The following EAF1 variants were observed in gnomAD, a reference collection of about 807,000 sequenced individuals.
EAF1 encodes ELL-associated factor 1.
Under a neutral mutation model 26.6 loss-of-function variants are expected in EAF1, and 19 were observed. That is an observed-to-expected ratio of 0.71 (90% CI 0.50 to 1.05). The LOEUF is 1.05. EAF1 is among the 50% of genes least tolerant of loss of function. The pLI, the probability that EAF1 is intolerant of heterozygous loss-of-function variation, is 0.00. For missense variants in EAF1, 260 were observed against 335.5 expected (o/e 0.78, Z 1.76); for synonymous variants, 102 against 120.6 (o/e 0.85, Z 1.01).
intron 5 of EAF1, among the ~76,000 whole-genome samples, chr3:15,437,526 A>G (rs1559506287): frequency 6.6e-6 from 1 of 151,936 alleles, no homozygotes; most frequent in African/African-American, 2.4e-5. Flanking sequence ...CCTGGGTACA[A>G]GTAATTTCCC....
At chr3:15,429,772 C>T (rs950651972) in intron 1 of EAF1, 141 bp from the exon 2 acceptor site, 6 of 641,758 alleles carry the variant, frequency 9.3e-6, no homozygotes, top group African/African-American at 3.7e-5. Context: ...TTTTCCATAA[C>T]GAAACAGTTT....
chr3:15,435,516 A>T (rs1205621892), intron 4 of EAF1, among the ~76,000 whole-genome samples: 2 of 151,780 alleles, frequency 1.3e-5, no homozygotes, highest in African/African-American at 4.8e-5. Context: ...CTGTTATGGA[A>T]GTTTTCACTT....
At chr3:15,433,471 A>G (rs2061814519) in intron 3 of EAF1, among the ~76,000 whole-genome samples, 1 of 152,242 alleles carries the variant, frequency 6.6e-6, no homozygotes, top group Non-Finnish European at 1.5e-5. Flanking sequence ...GATGATATGC[A>G]GAATCTCAAC....
In EAF1 at chr3:15,432,167, CA is replaced by C; in HGVS notation, c.280del (p.Thr94LeufsTer15). The C allele has an allele frequency of 6.2e-7, 1 of 1,614,132 alleles. No homozygotes were observed. Among genetic ancestry groups the C allele is most frequent in the Non-Finnish European group, 8.5e-7 (1 of 1,180,012 alleles). ...KDCVLIINHD[T>X]GEYVLEKLSS... ...ACTGTGTGCTTATTATTAATCATGA[CA>C]CTGGTGAATATGTGCTGGAAAAACT... On this transcript the variant is annotated frameshift_variant, in exon 3 of 6. Transcript: ENST00000396842. LOFTEE classifies it high-confidence loss of function.
Position 15,439,863 on chromosome 3 carries a change from G to C in EAF1, c.*708G>C, listed in dbSNP as rs2061855903. On this transcript the variant is annotated 3_prime_UTR_variant, in exon 6 of 6. Coordinates refer to ENST00000396842, the MANE Select transcript of EAF1 (RefSeq NM_033083.7). ...TCTCTCCCTTGAATCTCATTTGTAGGAATCAAGAGATTCCTATACATGGGA... is the reference window on the plus strand; with the variant it reads ...TCTCTCCCTTGAATCTCATTTGTAGCAATCAAGAGATTCCTATACATGGGA... The C allele has an allele frequency of 6.6e-6, 1 of 152,190 alleles. No individual in the cohort carries two copies. The highest frequency in any genetic ancestry group is 2.4e-5 in the African/African-American group (1 of 41,442). 9.4% of individuals were successfully genotyped at this position (152,190 alleles called of 1,614,324 possible).
At position 15,427,631 on chromosome 3, in the gene EAF1, T is replaced by C. The variant is rs767213809; in HGVS notation, c.-149T>C. The stretch of plus-strand genomic sequence containing the variant: ...CCCCCACGCAGAGGAGAGAACTTGC[T>C]TCTGGACCCGGGTGGGTGCCGGCTC... On this transcript the variant is annotated 5_prime_UTR_variant, in exon 1 of 6. Coordinates refer to ENST00000396842, the MANE Select transcript of EAF1 (RefSeq NM_033083.7). The C allele has an allele frequency of 1.3e-6, 1 of 763,196 alleles. No homozygotes were observed. The highest frequency in any genetic ancestry group is 2.2e-6 in the Non-Finnish European group (1 of 460,410). The allele number at this position is 763,196 out of a possible 1,614,324, so 47.3% of individuals were successfully genotyped here. A position where few individuals can be genotyped will look rare whatever the true frequency, so the allele number is the denominator to read the frequency against.
At chr3:15,434,839 C>T (rs2061825302) in intron 4 of EAF1, among the ~76,000 whole-genome samples, 1 of 152,188 alleles carries the variant, frequency 6.6e-6, no homozygotes, top group Non-Finnish European at 1.5e-5. Flanking sequence ...TGGCACACCT[C>T]TAAGGCTTCG....
At chr3:15,437,726 C>T (rs941908859) in intron 5 of EAF1, among the ~76,000 whole-genome samples, 1 of 152,120 alleles carries the variant, frequency 6.6e-6, no homozygotes, top group East Asian at 1.9e-4. Context: ...TCTTGGTACA[C>T]CTTCCTTTAA....
chr3:15,436,791 C>A, intron 5 of EAF1: 1 of 437,110 alleles, frequency 2.3e-6, no homozygotes, highest in Non-Finnish European at 4.0e-6. Context: ...CTGGCTCATA[C>A]CGGTGTTTGT....
At chr3:15,435,728 G>A (rs2061830687) in intron 4 of EAF1, among the ~76,000 whole-genome samples, 1 of 152,198 alleles carries the variant, frequency 6.6e-6, no homozygotes. Flanking sequence ...TGTAAAGAGT[G>A]AAGAGGAAGA....
intron 1 of EAF1, 98 bp downstream of exon 1, chr3:15,427,980 GAACC>G: frequency 1.0e-6 from 1 of 987,922 alleles, no homozygotes; most frequent in Non-Finnish European, 1.5e-6. Context: ...AGATTCCAGG[GAACC>G]CCCTGCCAGC....
At chr3:15,432,888 T>C (rs1171847939) in intron 3 of EAF1, among the ~76,000 whole-genome samples, 2 of 152,052 alleles carry the variant, frequency 1.3e-5, no homozygotes, top group African/African-American at 2.4e-5. Flanking sequence ...GTAATTATTA[T>C]AATACAGTAA....
In EAF1 at chr3:15,436,455, G is replaced by C; in HGVS notation, c.640G>C (p.Glu214Gln). Residue 214 changes from glutamate to glutamine, a missense_variant, in exon 5 of 6, where the codon GAG becomes CAG. Transcript: ENST00000396842. ...TGACGATAGCTCCAGCAGTGGAGGC[G>C]AGGACAATGGCCCAGCCTCTCCTCC... ...SDDDSSSSGGEDNGPASPPQP... is the reference protein window; with the variant it reads ...SDDDSSSSGGQDNGPASPPQP... The C allele has an allele frequency of 6.2e-7, 1 of 1,613,582 alleles. No individual in the cohort carries two copies. Among genetic ancestry groups the C allele is most frequent in the Non-Finnish European group, 8.5e-7 (1 of 1,179,518 alleles).
intron 4 of EAF1, 112 bp downstream of exon 4, chr3:15,434,650 TC>T: frequency 7.7e-7 from 1 of 1,297,046 alleles, no homozygotes. Flanking sequence ...TTCAATGCCA[TC>T]AAAAAAATGT....
chr3:15,434,574 GGAGTA>G, intron 4 of EAF1, 36 bp downstream of exon 4: 1 of 1,608,336 alleles, frequency 6.2e-7, no homozygotes, highest in Non-Finnish European at 8.5e-7. Context: ...ATAGCAACTT[GGAGTA>G]GAGTGCTGAA....
In EAF1 at chr3:15,439,065, T is replaced by A. The variant is rs750879551; in HGVS notation, c.761-44T>A. 3 of 1,560,662 alleles carry A rather than the reference T, an allele frequency of 1.9e-6. No individual in the cohort carries two copies. The South Asian group carries it at 3.5e-5, about 18-fold the overall frequency. On this transcript the variant is annotated intron_variant, in intron 5 of 5. Transcript: ENST00000396842. ...GGAAGTCATTTTTAAATTCTGTACT[T>A]TTGTTTGATTCTATGATTTTACTTT...
chr3:15,434,218 G>A (rs1194467777), intron 3 of EAF1, 130 bp from the exon 4 acceptor site: 4 of 980,060 alleles, frequency 4.1e-6, no homozygotes, highest in African/African-American at 1.6e-5. Context: ...AAAATTACAA[G>A]TATCAGTATT....
intron 2 of EAF1, among the ~76,000 whole-genome samples, chr3:15,430,386 G>A (rs1452169438): frequency 6.6e-6 from 1 of 151,584 alleles, no homozygotes; most frequent in Non-Finnish European, 1.5e-5. Flanking sequence ...CTTGAGCCTG[G>A]GAGGTAGAGG....
chr3:15,431,922 T>C (rs1053067976), intron 2 of EAF1, among the ~76,000 whole-genome samples, 165 bp from the exon 3 acceptor site: 1 of 152,224 alleles, frequency 6.6e-6, no homozygotes, highest in African/African-American at 2.4e-5. Context: ...TTCTCCTTTA[T>C]TTTTGCCTCG....
Sources: gnomAD v4.1 joint callset for allele counts (sites outside exome capture counted in the v4.1 genomes callset) on GRCh38, gnomAD v4.1.1 for gene constraint, MANE v1.5 for transcripts, NCBI Gene and HGNC (gene_info 2026-07-23, HGNC 2026-07-21) for gene names.